PKD1L3: variants seen among roughly 807,000 people sequenced by gnomAD.
The protein encoded by PKD1L3 is polycystin 1 like 3, transient receptor potential channel interacting.
A neutral mutation model predicts 184.1 loss-of-function variants in PKD1L3; 239 were observed. The ratio of observed to expected loss-of-function variants is 1.30; its 90% CI spans 1.17 to 1.45. PKD1L3 has a LOEUF of 1.45. Among genes scored for constraint, PKD1L3 ranks in the 40% most tolerant of loss-of-function variants. PKD1L3 has a pLI of 0.00. For synonymous variants in PKD1L3, 996 were observed against 778.8 expected, an observed-to-expected ratio of 1.28 and a Z score of -4.64; for missense variants, 2,660 against 2,067.2, an observed-to-expected ratio of 1.29 and a Z score of -5.56.
At chr16:71,995,271 C>A (rs557707372) in intron 2 of PKD1L3, among the ~76,000 whole-genome samples, 1 of 131,506 alleles carries the variant, frequency 7.6e-6, no homozygotes, top group South Asian at 2.1e-4. Context: ...GCCAACCCAC[C>A]TCTTAAAGCC....
rs1268447666 is a variant in PKD1L3 at position 71,977,273 on chromosome 16, C to T, written c.1722G>A (p.Leu574=). 27 of 1,536,560 alleles carry T rather than the reference C, an allele frequency of 1.8e-5. No individual in the cohort carries two copies. Among genetic ancestry groups the T allele is most frequent in the Non-Finnish European group, 2.3e-5 (26 of 1,133,416 alleles). The change falls in exon 11 of 30, where the codon CTG becomes CTA. Residue 574 remains leucine, a synonymous_variant. Transcript: ENST00000620267. ...QYQPNCTHFH[L]NITLPKDKVW... ...CCTTATCCTTTGGAAGGGTGATGTT[C>T]AGGTGGAAGTGAGTGCAGTTAGGCT... is the stretch of plus-strand genomic sequence containing the variant.
In PKD1L3 at chr16:71,975,689, A is replaced by G. The variant is rs529805549; in HGVS notation, c.1759+1547T>C. On this transcript the variant is annotated intron_variant, in intron 11 of 29. Coordinates refer to ENST00000620267, the MANE Select transcript of PKD1L3 (RefSeq NM_181536.2). ...AACTAGATTCTACAATTAACATCCTACTAAGTCTGCTTCCTTACATACATA... is the reference window on the plus strand; with the variant it reads ...AACTAGATTCTACAATTAACATCCTGCTAAGTCTGCTTCCTTACATACATA... 7.9e-5 allele frequency among the ~76,000 whole-genome samples: 12 copies of G among 152,314 alleles called. No homozygotes were observed. In the South Asian group the frequency reaches 2.5e-3, roughly 32 times the overall value.
chr16:71,965,580 G>A (rs2039471296), intron 15 of PKD1L3, among the ~76,000 whole-genome samples: 1 of 146,912 alleles, frequency 6.8e-6, no homozygotes, highest in South Asian at 2.1e-4. Context: ...TTTTGGAGAT[G>A]GTCTCACTCT....
chr16:71,958,118 T>C (rs1391466760), intron 16 of PKD1L3, among the ~76,000 whole-genome samples: 2 of 151,692 alleles, frequency 1.3e-5, no homozygotes, highest in Non-Finnish European at 2.9e-5. Context: ...CCGGGCGCGG[T>C]GGCTCACGCC....
chr16:71,948,174 C>T (rs1476008638), intron 21 of PKD1L3, among the ~76,000 whole-genome samples: 2 of 152,062 alleles, frequency 1.3e-5, no homozygotes, highest in Non-Finnish European at 2.9e-5. Flanking sequence ...CTCTGCCTCC[C>T]GGGTTCAAGT....
rs935830769 is a variant in PKD1L3 at position 71,929,569 on chromosome 16, C to T, written c.5168G>A (p.Ser1723Asn). ...TAGTTCATCTAAAACTTCAGTGTCA[C>T]TGCCCACTGCTGTCGTGGCTGCTTG... ...SEQAATTAVG[S>N]DTEVLDELP is the part of the protein sequence containing the mutation. The change falls in exon 30 of 30, where the codon AGT becomes AAT. Residue 1723 changes from serine to asparagine, a missense_variant. By Grantham distance (46) the Ser-to-Asn change is conservative. Coordinates refer to ENST00000620267, the MANE Select transcript of PKD1L3 (RefSeq NM_181536.2). 14 of 1,551,194 alleles carry T rather than the reference C, an allele frequency of 9.0e-6. No individual in the cohort carries two copies. In the South Asian group the frequency reaches 1.4e-4, roughly 16 times the overall value.
chr16:71,971,128 G>A (rs891134910), intron 12 of PKD1L3, among the ~76,000 whole-genome samples: 8 of 152,274 alleles, frequency 5.3e-5, no homozygotes, highest in African/African-American at 1.9e-4. Flanking sequence ...CAGGCCAGTA[G>A]TTACCCTTTG....
intron 11 of PKD1L3, among the ~76,000 whole-genome samples, chr16:71,974,564 G>C (rs2039847223): frequency 6.6e-6 from 1 of 152,134 alleles, no homozygotes; most frequent in Admixed American, 6.5e-5. Flanking sequence ...TGCGCCTGCA[G>C]TCCCAGCTGC....
intron 14 of PKD1L3, 28 bp from the exon 15 acceptor site, chr16:71,967,343 A>G (rs953823716): frequency 1.0e-5 from 16 of 1,530,870 alleles, no homozygotes; most frequent in Non-Finnish European, 1.2e-5. Flanking sequence ...AAGATAAAAT[A>G]TAAGGAATTT....
chr16:71,987,544 TG>T (rs1567549662), intron 4 of PKD1L3, among the ~76,000 whole-genome samples: 1 of 152,082 alleles, frequency 6.6e-6, no homozygotes, highest in African/African-American at 2.4e-5. Context: ...GGCTAATTTT[TG>T]TATTTTTAGT....
intron 16 of PKD1L3, among the ~76,000 whole-genome samples, chr16:71,961,827 TG>T (rs1259231187): frequency 1.3e-5 from 2 of 152,176 alleles, no homozygotes; most frequent in Non-Finnish European, 2.9e-5. Flanking sequence ...ATGCCGCAAT[TG>T]TAATTGGAGC....
chr16:71,967,118 A>G lies in PKD1L3; in HGVS notation c.2465+19T>C. 4 of 1,543,536 alleles carry G rather than the reference A, an allele frequency of 2.6e-6. No individual in the cohort carries two copies. The highest frequency in any genetic ancestry group is 3.5e-6 in the Non-Finnish European group (4 of 1,142,546). On this transcript the variant is annotated intron_variant, in intron 15 of 29. Coordinates refer to ENST00000620267, the MANE Select transcript of PKD1L3 (RefSeq NM_181536.2). ...ATCCACAAAGCAGCAGCAACAGCCA[A>G]CAGGATATAAGTACTCACCAGGAGG...
At chr16:71,947,789 A>G (rs767418576) in intron 21 of PKD1L3, among the ~76,000 whole-genome samples, 198 bp from the exon 22 acceptor site, 5 of 152,208 alleles carry the variant, frequency 3.3e-5, no homozygotes, top group Non-Finnish European at 5.9e-5. Context: ...AAATAATGCT[A>G]ATATTCATAT....
At chr16:71,973,287 G>T in intron 12 of PKD1L3, 37 bp downstream of exon 12, 7 of 1,541,018 alleles carry the variant, frequency 4.5e-6, no homozygotes, top group Non-Finnish European at 5.3e-6. Flanking sequence ...AGTAGCTATG[G>T]CAGAAGAGAG....
chr16:71,933,884 G>T, intron 27 of PKD1L3, 31 bp downstream of exon 27: 1 of 1,544,568 alleles, frequency 6.5e-7, no homozygotes, highest in African/African-American at 1.4e-5. Flanking sequence ...ACAGCACACG[G>T]AGAAGGAGAG....
Position 71,954,295 on chromosome 16 carries a change from C to G in PKD1L3, c.2619G>C (p.Leu873=), listed in dbSNP as rs1212097519. 1.2e-5 allele frequency: 18 copies of G among 1,532,910 alleles called. No individual in the cohort carries two copies. The highest frequency in any genetic ancestry group is 1.5e-5 in the Non-Finnish European group (17 of 1,138,648). The allele number at this position is 1,532,910 out of a possible 1,614,324, so 95.0% of individuals were successfully genotyped here. The part of the protein sequence containing the change: ...SKRELFSFRH[L]FSSMIVEKFT... ...ACTTTTCCACAATCATGGAGGAAAA[C>G]AGATGTCTGAAAAGAGAAATCAGAA... Residue 873 remains leucine, a synonymous_variant, in exon 17 of 30, where the codon CTG becomes CTC. Coordinates refer to ENST00000620267, the MANE Select transcript of PKD1L3 (RefSeq NM_181536.2).
At chr16:71,967,829 C>G in intron 14 of PKD1L3, 77 bp downstream of exon 14, 2 of 1,255,678 alleles carry the variant, frequency 1.6e-6, no homozygotes, top group Non-Finnish European at 2.2e-6. Context: ...TATTGGTTGC[C>G]AGGATATCAC....
At chr16:71,973,777 G>A (rs184036440) in intron 11 of PKD1L3, among the ~76,000 whole-genome samples, 9 of 152,156 alleles carry the variant, frequency 5.9e-5, no homozygotes, top group Admixed American at 1.3e-4. Context: ...TGATGCGGGC[G>A]GATCACTTGA....
chr16:71,993,644 G>C (rs1305815978), intron 2 of PKD1L3, among the ~76,000 whole-genome samples: 1 of 152,094 alleles, frequency 6.6e-6, no homozygotes, highest in African/African-American at 2.4e-5. Context: ...TAAGGTCATC[G>C]CCAGGGTCTG....
Sources: allele counts gnomAD v4.1 joint callset (sites outside exome capture counted in the v4.1 genomes callset), GRCh38; gene constraint gnomAD v4.1.1; transcripts MANE v1.5; gene names NCBI Gene and HGNC (gene_info 2026-07-23, HGNC 2026-07-21).